PLPP1: variants seen among roughly 807,000 people sequenced by gnomAD.
PLPP1 encodes phospholipid phosphatase 1, also known as lipid phosphate phosphohydrolase 1a.
A neutral mutation model predicts 31.2 loss-of-function variants in PLPP1; 24 were observed. That is an observed-to-expected ratio of 0.77 (90% CI 0.56 to 1.08). PLPP1 has a LOEUF of 1.08. Among genes scored for constraint, PLPP1 ranks in the 50% least tolerant of loss-of-function variants. The pLI, the probability that PLPP1 is intolerant of heterozygous loss-of-function variation, is 0.00. For synonymous variants in PLPP1, 146 were observed against 126.3 expected, an observed-to-expected ratio of 1.16 and a Z score of -1.05; for missense variants, 319 against 342.7, an observed-to-expected ratio of 0.93 and a Z score of 0.55.
At chr5:55,437,874 C>T (rs1579922180) in intron 4 of PLPP1, among the ~76,000 whole-genome samples, 1 of 152,162 alleles carries the variant, frequency 6.6e-6, no homozygotes, top group African/African-American at 2.4e-5. Context: ...GAAAACATCA[C>T]GAAGTATCAA....
intron 3 of PLPP1, among the ~76,000 whole-genome samples, chr5:55,454,894 G>A (rs577809961): frequency 6.6e-6 from 1 of 152,250 alleles, no homozygotes; most frequent in Admixed American, 6.5e-5. Context: ...TTCTTCTTCA[G>A]CCATTTTCTC....
At chr5:55,441,993 A>G in intron 3 of PLPP1, 85 bp from the exon 4 acceptor site, 3 of 1,336,684 alleles carry the variant, frequency 2.2e-6, no homozygotes, top group Non-Finnish European at 3.2e-6. Flanking sequence ...CCTTAGTTTC[A>G]GAGTGTACAC....
At chr5:55,437,700 A>C (rs1362452611) in intron 4 of PLPP1, among the ~76,000 whole-genome samples, 2 of 152,214 alleles carry the variant, frequency 1.3e-5, no homozygotes, top group African/African-American at 4.8e-5. Flanking sequence ...ACTGGAAAGC[A>C]GGCCTCAGTT....
At chr5:55,466,923 G>C (rs908803526) in intron 3 of PLPP1, among the ~76,000 whole-genome samples, 2 of 152,128 alleles carry the variant, frequency 1.3e-5, no homozygotes. Context: ...TTTGAAACTT[G>C]AAATGAGGAA....
intron 1 of PLPP1, among the ~76,000 whole-genome samples, chr5:55,523,180 T>C (rs1753710223): frequency 6.6e-6 from 1 of 152,156 alleles, no homozygotes; most frequent in Non-Finnish European, 1.5e-5. Context: ...AATCATTACA[T>C]CAGGGTAAAT....
chr5:55,431,297 G>A (rs1283511926), intron 4 of PLPP1, among the ~76,000 whole-genome samples: 1 of 152,172 alleles, frequency 6.6e-6, no homozygotes, highest in African/African-American at 2.4e-5. Flanking sequence ...CAAGAGAAAA[G>A]TATCAAGTCA....
At chr5:55,448,397 C>T (rs1437443078) in intron 3 of PLPP1, among the ~76,000 whole-genome samples, 1 of 149,998 alleles carries the variant, frequency 6.7e-6, no homozygotes, top group Non-Finnish European at 1.5e-5. Context: ...GAAATGCAGA[C>T]GTTTACTGCA....
chr5:55,459,786 T>C (rs562466653), intron 3 of PLPP1, among the ~76,000 whole-genome samples: 21 of 152,258 alleles, frequency 1.4e-4, no homozygotes, highest in African/African-American at 4.1e-4. Context: ...AACAGCTACA[T>C]TGAGCATGCC....
rs567757901 is a variant in PLPP1, at chr5:55,450,108, T to A, written c.492-8200A>T. ...ATTTTAATACATTTCCATTTAAAGC[T>A]ACTCTATTATATAGGTCAATTTTAA... is the stretch of plus-strand genomic sequence containing the variant. On this transcript the variant is annotated intron_variant, in intron 3 of 5. Coordinates refer to ENST00000307259, the MANE Select transcript of PLPP1 (RefSeq NM_003711.4). Among the ~76,000 whole-genome samples, 3 of 152,354 alleles carry A rather than the reference T, an allele frequency of 2.0e-5. No homozygotes were observed. The East Asian group carries it at 5.8e-4, about 29-fold the overall frequency.
At chr5:55,455,003 A>G (rs1043044062) in intron 3 of PLPP1, among the ~76,000 whole-genome samples, 2 of 152,220 alleles carry the variant, frequency 1.3e-5, no homozygotes, top group African/African-American at 4.8e-5. Context: ...CTCAAACTTC[A>G]GCTTTATTTT....
intron 1 of PLPP1, among the ~76,000 whole-genome samples, chr5:55,478,033 G>C (rs926085079): frequency 6.6e-6 from 1 of 151,424 alleles, no homozygotes; most frequent in Non-Finnish European, 1.5e-5. Context: ...AATAGGATTC[G>C]AGTCCAAAAC....
At chr5:55,510,301 C>A (rs1370749327) in intron 1 of PLPP1, among the ~76,000 whole-genome samples, 3 of 152,084 alleles carry the variant, frequency 2.0e-5, no homozygotes, top group African/African-American at 2.4e-5. Context: ...CTTTATGATT[C>A]CATTTATATG....
intron 1 of PLPP1, among the ~76,000 whole-genome samples, chr5:55,515,200 G>C (rs1030648340): frequency 1.3e-5 from 2 of 152,182 alleles, no homozygotes; most frequent in South Asian, 4.1e-4. Context: ...CAGCAATGAG[G>C]GTTCTGTAAG....
chr5:55,458,915 A>AAAAAAAAAC (rs1561231077), intron 3 of PLPP1, among the ~76,000 whole-genome samples: 1 of 148,952 alleles, frequency 6.7e-6, no homozygotes, highest in African/African-American at 2.5e-5. Context: ...AAAAAAAAAA[A>AAAAAAAAAC]ACACATAGCA....
chr5:55,483,455 T>C (rs1212910734), intron 1 of PLPP1, among the ~76,000 whole-genome samples: 1 of 152,020 alleles, frequency 6.6e-6, no homozygotes, highest in Admixed American at 6.6e-5. Context: ...GCAGATCACA[T>C]GAGGTCAGGA....
At chr5:55,434,890 A>T (rs1343510919) in intron 4 of PLPP1, among the ~76,000 whole-genome samples, 1 of 152,220 alleles carries the variant, frequency 6.6e-6, no homozygotes, top group Non-Finnish European at 1.5e-5. Context: ...AGGCAATAAA[A>T]ATAGACAAAT....
intron 1 of PLPP1, among the ~76,000 whole-genome samples, chr5:55,475,972 TA>T (rs1229951072): frequency 7.9e-6 from 1 of 127,290 alleles, no homozygotes; most frequent in Non-Finnish European, 1.6e-5. Context: ...AATCTGAACT[TA>T]AAGTTTCTTT....
rs145003559 is a variant in PLPP1 at position 55,450,579 on chromosome 5, G to T, written c.492-8671C>A. Among the ~76,000 whole-genome samples the T allele has an allele frequency of 1.3e-3, 204 of 152,292 alleles. 2 individuals are homozygous for T. In the Middle Eastern group the frequency reaches 0.024, roughly 18 times the overall value. On this transcript the variant is annotated intron_variant, in intron 3 of 5. Coordinates refer to ENST00000307259, the MANE Select transcript of PLPP1 (RefSeq NM_003711.4). ...ACTACTGTAACAGATGAGGAGAGAT[G>T]AGGCTGTGACGAAGGCTGCTGACAA...
chr5:55,491,140 C>T (rs1287693039), intron 1 of PLPP1: 59 of 1,602,476 alleles, frequency 3.7e-5, no homozygotes, highest in Non-Finnish European at 4.8e-5. Flanking sequence ...AAAAAAGACA[C>T]ACATGATTAA....
Sources: gnomAD v4.1 joint callset for allele counts (sites outside exome capture counted in the v4.1 genomes callset) on GRCh38, gnomAD v4.1.1 for gene constraint, MANE v1.5 for transcripts, NCBI Gene and HGNC (gene_info 2026-07-23, HGNC 2026-07-21) for gene names.